Variants in LURAP1L observed in about 807,000 individuals in gnomAD.
The protein encoded by LURAP1L is leucine rich adaptor protein 1-like.
LURAP1L carries 12 observed loss-of-function variants against 13.8 expected under a neutral mutation model. That is an observed-to-expected ratio of 0.87 (90% CI 0.56 to 1.41). The LOEUF (loss-of-function observed/expected upper bound fraction) is 1.41, where lower values mean the gene tolerates loss of function less well. LURAP1L is among the 40% of genes most tolerant of loss of function. LURAP1L has a pLI of 0.00. For missense variants in LURAP1L, 375 were observed against 292.9 expected (o/e 1.28, Z -2.04); for synonymous variants, 139 against 119.2 (o/e 1.17, Z -1.08).
At chr9:12,810,152 T>C (rs1452519009) in intron 1 of LURAP1L, among the ~76,000 whole-genome samples, 1 of 152,192 alleles carries the variant, frequency 6.6e-6, no homozygotes, top group Non-Finnish European at 1.5e-5. Flanking sequence ...TTCCTCTCCC[T>C]GCCAGAAGCA....
chr9:12,785,929 T>C (rs550882068), intron 1 of LURAP1L, among the ~76,000 whole-genome samples: 20 of 152,212 alleles, frequency 1.3e-4, no homozygotes, highest in Non-Finnish European at 2.6e-4. Flanking sequence ...TGGAGGGTTC[T>C]ATTCAGCCGT....
intron 1 of LURAP1L, among the ~76,000 whole-genome samples, chr9:12,810,630 G>A (rs1819723881): frequency 6.6e-6 from 1 of 152,106 alleles, no homozygotes; most frequent in African/African-American, 2.4e-5. Context: ...TAAGTACAGG[G>A]TACATAGGAA....
chr9:12,777,386 C>G, intron 1 of LURAP1L: 1 of 985,214 alleles, frequency 1.0e-6, no homozygotes, highest in Non-Finnish European at 1.2e-6. Context: ...ACAGGTAAAA[C>G]TATTTTCCAC....
chr9:12,792,710 T>C (rs906839414), intron 1 of LURAP1L, among the ~76,000 whole-genome samples: 2 of 152,076 alleles, frequency 1.3e-5, no homozygotes, highest in African/African-American at 4.8e-5. Flanking sequence ...TATTTAGTAG[T>C]GAAATCCACA....
chr9:12,778,080 G>A (rs79493610), intron 1 of LURAP1L, among the ~76,000 whole-genome samples: 1,549 of 152,216 alleles, frequency 0.01, 16 homozygotes, highest in Middle Eastern at 0.02. Flanking sequence ...ATAATTTGTC[G>A]CATTTGTTGT....
chr9:12,800,034 G>C (rs191856057), intron 1 of LURAP1L, among the ~76,000 whole-genome samples: 79 of 151,938 alleles, frequency 5.2e-4, no homozygotes, highest in Non-Finnish European at 8.8e-4. Flanking sequence ...TTCTCTTTTT[G>C]GGGTAGTAGC....
At chr9:12,817,195 A>G (rs1423300242) in intron 1 of LURAP1L, among the ~76,000 whole-genome samples, 1 of 148,954 alleles carries the variant, frequency 6.7e-6, no homozygotes, top group African/African-American at 2.5e-5. Context: ...TTCAATATTG[A>G]AATGTTCTTT....
At chr9:12,795,680 C>T (rs2182549) in intron 1 of LURAP1L, among the ~76,000 whole-genome samples, 56,791 of 151,796 alleles carry the variant, frequency 0.37, 12,866 homozygotes, top group African/African-American at 0.62. Flanking sequence ...AAAGGCAACA[C>T]GACCACTTGT....
At chr9:12,819,198 C>T (rs1316212901) in intron 1 of LURAP1L, among the ~76,000 whole-genome samples, 1 of 152,166 alleles carries the variant, frequency 6.6e-6, no homozygotes, top group African/African-American at 2.4e-5. Flanking sequence ...TTCTTTGTTA[C>T]TTCCTGTGCA....
intron 1 of LURAP1L, among the ~76,000 whole-genome samples, chr9:12,778,206 G>A (rs1362193943): frequency 1.3e-5 from 2 of 152,080 alleles, no homozygotes; most frequent in Admixed American, 1.3e-4. Flanking sequence ...GAGCAAGTCA[G>A]GATATCAATA....
intron 1 of LURAP1L, among the ~76,000 whole-genome samples, 184 bp downstream of exon 1, chr9:12,776,211 G>C (rs1239303937): frequency 6.6e-6 from 1 of 152,148 alleles, no homozygotes; most frequent in African/African-American, 2.4e-5. Flanking sequence ...TGCGAGGCTT[G>C]TTTACCGCGG....
chr9:12,794,822 G>A (rs970649870), intron 1 of LURAP1L, among the ~76,000 whole-genome samples: 1 of 151,614 alleles, frequency 6.6e-6, no homozygotes, highest in Non-Finnish European at 1.5e-5. Flanking sequence ...GGCATCAAGT[G>A]ACTAAAGATA....
intron 1 of LURAP1L, among the ~76,000 whole-genome samples, chr9:12,810,997 T>C (rs1418325067): frequency 1.3e-5 from 2 of 152,228 alleles, no homozygotes; most frequent in Non-Finnish European, 1.5e-5. Flanking sequence ...GTCTTCATTA[T>C]ATTTCCTATG....
At chr9:12,790,706 C>G (rs1469999302) in intron 1 of LURAP1L, 3 of 150,738 alleles carry the variant, frequency 2.0e-5, no homozygotes, top group African/African-American at 7.3e-5. Context: ...AACCATTGTT[C>G]TCAGAGTTGT....
At chr9:12,786,581 T>TATATATATATATATAAC (rs61134838) in intron 1 of LURAP1L, among the ~76,000 whole-genome samples, 6 of 121,428 alleles carry the variant, frequency 4.9e-5, no homozygotes, top group Admixed American at 1.6e-4. Flanking sequence ...TATATATATA[T>TATATATATATATATAAC]AAACCCTTGT....
At chr9:12,810,467 T>A (rs1192010145) in intron 1 of LURAP1L, among the ~76,000 whole-genome samples, 1 of 152,184 alleles carries the variant, frequency 6.6e-6, no homozygotes, top group Non-Finnish European at 1.5e-5. Flanking sequence ...TTTGTTCAGC[T>A]TTTTTTCTTG....
chr9:12,821,704 T>C lies in LURAP1L; in HGVS notation c.631T>C (p.Ser211Pro). The change falls in exon 2 of 2, where the codon TCA becomes CCA. Residue 211 changes from serine (S) to proline (P), a missense_variant. Physicochemically the swap from Ser to Pro is moderately conservative, Grantham distance 74. Coordinates refer to ENST00000319264, the MANE Select transcript of LURAP1L (RefSeq NM_203403.2). ...CAGTGACAGCTCCCTCATAGAGGAC[T>C]CACAGGCACTACACAAGCGTCCTAA... ...QFSDSSLIED[S>P]QALHKRPKLD... 1 of 1,614,188 alleles carries C rather than the reference T, an allele frequency of 6.2e-7. No individual in the cohort carries two copies. Among genetic ancestry groups the C allele is most frequent in the Non-Finnish European group, 8.5e-7 (1 of 1,180,028 alleles).
intron 1 of LURAP1L, among the ~76,000 whole-genome samples, chr9:12,778,981 G>T (rs986090102): frequency 2.0e-5 from 3 of 152,172 alleles, no homozygotes; most frequent in Non-Finnish European, 4.4e-5. Flanking sequence ...CTATTGTAAA[G>T]TTTAATTTAT....
chr9:12,810,934 T>C (rs1819727743), intron 1 of LURAP1L, among the ~76,000 whole-genome samples: 1 of 152,192 alleles, frequency 6.6e-6, no homozygotes, highest in African/African-American at 2.4e-5. Flanking sequence ...ATTTCAAATA[T>C]TACCAAATTA....
Sources: gnomAD v4.1 joint callset for allele counts (sites outside exome capture counted in the v4.1 genomes callset) on GRCh38, gnomAD v4.1.1 for gene constraint, MANE v1.5 for transcripts, NCBI Gene and HGNC (gene_info 2026-07-23, HGNC 2026-07-21) for gene names.